Variants in GAS7 observed in about 807,000 individuals in gnomAD.
GAS7 encodes the protein growth arrest-specific protein 7.
GAS7 carries 28 observed loss-of-function variants against 71.1 expected under a neutral mutation model. The ratio of observed to expected loss-of-function variants is 0.39; its 90% CI spans 0.29 to 0.54. The LOEUF is 0.54. Ranked by LOEUF, GAS7 falls within the 20% of genes least tolerant of loss-of-function variation. The pLI is 0.62. For synonymous variants in GAS7, 258 were observed against 245.8 expected (o/e 1.05, Z -0.46); for missense variants, 436 against 627.8 (o/e 0.69, Z 3.27).
Position 10,101,954 on chromosome 17 carries a change from C to A in GAS7, c.184-82057G>T, listed in dbSNP as rs1393017484. ...ATGAAATTTTCTAAGGGGTCTGGGA[C>A]CAGCAGAGACTGGCAGAACCATCTA... On this transcript the variant is annotated intron_variant, in intron 1 of 13. Coordinates refer to ENST00000432992, the MANE Select transcript of GAS7 (RefSeq NM_201433.2). Among the ~76,000 whole-genome samples, 3 of 152,164 alleles carry A rather than the reference C, an allele frequency of 2.0e-5. 1 individual carries two copies. The highest frequency in any genetic ancestry group is 1.5e-5 in the Non-Finnish European group (1 of 68,014).
intron 1 of GAS7, among the ~76,000 whole-genome samples, chr17:10,042,593 C>CA (rs1053507282): frequency 2.8e-4 from 43 of 151,226 alleles, no homozygotes; most frequent in African/African-American, 1.0e-3. Context: ...CAAACATGGG[C>CA]AAAAAAAAGG....
chr17:9,947,436 G>A lies in GAS7; in HGVS notation c.526-453C>T, dbSNP rs79585179. ...TGGAAATCAGAAAGGACATGGTGAT[G>A]AAGTTCTTAAATTTAATTAGGAAAG... On this transcript the variant is annotated intron_variant, in intron 5 of 13. Transcript: ENST00000432992. Among the ~76,000 whole-genome samples, 1,249 of 152,274 alleles carry A rather than the reference G, an allele frequency of 8.2e-3. 18 individuals carry two copies. The highest frequency in any genetic ancestry group is 0.029 in the African/African-American group (1,196 of 41,548).
intron 2 of GAS7, among the ~76,000 whole-genome samples, chr17:10,014,837 A>G (rs79302717): frequency 0.012 from 1,881 of 152,258 alleles, 42 homozygotes; most frequent in East Asian, 0.096. Flanking sequence ...CTCATCCATA[A>G]AATCCTAAAT....
chr17:9,954,057 A>C (rs1175695584), intron 5 of GAS7, among the ~76,000 whole-genome samples: 1 of 152,136 alleles, frequency 6.6e-6, no homozygotes, highest in Non-Finnish European at 1.5e-5. Flanking sequence ...TCTTAGATTT[A>C]GGTAATAATA....
intron 1 of GAS7, among the ~76,000 whole-genome samples, chr17:10,136,184 C>T (rs2074036816): frequency 6.6e-6 from 1 of 152,228 alleles, no homozygotes; most frequent in Non-Finnish European, 1.5e-5. Context: ...GGCCAACTTG[C>T]TCATCTTCCT....
intron 1 of GAS7, among the ~76,000 whole-genome samples, chr17:10,084,929 T>C (rs1462243464): frequency 6.6e-6 from 1 of 152,146 alleles, no homozygotes; most frequent in African/African-American, 2.4e-5. Flanking sequence ...GTGTGACCGA[T>C]GGCCCCCTCA....
chr17:10,116,323 A>C (rs2073861005), intron 1 of GAS7, among the ~76,000 whole-genome samples: 1 of 152,090 alleles, frequency 6.6e-6, no homozygotes, highest in Non-Finnish European at 1.5e-5. Flanking sequence ...TCAAAAAAAA[A>C]AAAATGTTGG....
intron 2 of GAS7, among the ~76,000 whole-genome samples, chr17:9,994,494 C>T (rs1415811438): frequency 1.4e-5 from 2 of 144,306 alleles, no homozygotes; most frequent in East Asian, 3.9e-4. Flanking sequence ...AAAGCTGAAA[C>T]TGGATCCCTT....
At chr17:10,142,214 T>TG (rs560693130) in intron 1 of GAS7, among the ~76,000 whole-genome samples, 2 of 28,988 alleles carry the variant, frequency 6.9e-5, no homozygotes, top group Non-Finnish European at 1.3e-4. Flanking sequence ...AGACTCTGTC[T>TG]CAAAAAAAAA....
chr17:10,082,122 A>T (rs1455110692), intron 1 of GAS7, among the ~76,000 whole-genome samples: 1 of 152,246 alleles, frequency 6.6e-6, no homozygotes, highest in East Asian at 1.9e-4. Context: ...AAAGTAAATT[A>T]CCAAGGTATA....
chr17:10,178,880 A>G (rs939694823), intron 1 of GAS7, among the ~76,000 whole-genome samples: 4 of 151,800 alleles, frequency 2.6e-5, no homozygotes, highest in African/African-American at 9.7e-5. Context: ...ATTAGAGAAA[A>G]AAGGTGAGCA....
intron 9 of GAS7, among the ~76,000 whole-genome samples, chr17:9,930,005 A>G (rs1311352691): frequency 6.6e-6 from 1 of 152,220 alleles, no homozygotes. Flanking sequence ...GAAGAGAATA[A>G]GAGAAGTTCC....
chr17:10,124,105 C>A (rs1011845955), intron 1 of GAS7, among the ~76,000 whole-genome samples: 2 of 152,234 alleles, frequency 1.3e-5, no homozygotes, highest in Admixed American at 6.5e-5. Flanking sequence ...TGAATGGGGG[C>A]CCCTGAGGAG....
chr17:9,963,773 T>C (rs1333904268), intron 4 of GAS7, among the ~76,000 whole-genome samples: 4 of 152,150 alleles, frequency 2.6e-5, no homozygotes, highest in South Asian at 4.1e-4. Context: ...TTTGAGACAA[T>C]TGAGGAATCT....
intron 9 of GAS7, among the ~76,000 whole-genome samples, chr17:9,931,186 C>G (rs972427871): frequency 6.6e-6 from 1 of 152,228 alleles, no homozygotes; most frequent in Non-Finnish European, 1.5e-5. Flanking sequence ...TGACTGAACC[C>G]ACCTGGCTGT....
At chr17:10,118,066 G>A (rs576289078) in intron 1 of GAS7, among the ~76,000 whole-genome samples, 1 of 152,218 alleles carries the variant, frequency 6.6e-6, no homozygotes, top group South Asian at 2.1e-4. Context: ...ACTTGGGTCT[G>A]CACTTTTCCC....
chr17:10,146,859 C>G (rs575166363), intron 1 of GAS7, among the ~76,000 whole-genome samples: 3 of 152,098 alleles, frequency 2.0e-5, no homozygotes, highest in Admixed American at 1.3e-4. Flanking sequence ...TGGCGGGTGC[C>G]TGTAGTCCCA....
chr17:10,019,984 C>G, intron 1 of GAS7, 87 bp from the exon 2 acceptor site: 1 of 1,273,826 alleles, frequency 7.9e-7, no homozygotes, highest in South Asian at 1.3e-5. Flanking sequence ...ATGAATTCAC[C>G]CTACAGTAGC....
At chr17:10,041,996 C>G (rs567573752) in intron 1 of GAS7, among the ~76,000 whole-genome samples, 1 of 152,200 alleles carries the variant, frequency 6.6e-6, no homozygotes, top group South Asian at 2.1e-4. Context: ...ATTGGGTTGT[C>G]TTAAAATGAT....
Sources: gnomAD v4.1 joint callset for allele counts (sites outside exome capture counted in the v4.1 genomes callset) on GRCh38, gnomAD v4.1.1 for gene constraint, MANE v1.5 for transcripts, NCBI Gene and HGNC (gene_info 2026-07-23, HGNC 2026-07-21) for gene names.